GLRA1: variants seen among roughly 807,000 people sequenced by gnomAD.
GLRA1 encodes glycine receptor alpha 1.
Under a neutral mutation model 48.3 loss-of-function variants are expected in GLRA1, and 37 were observed. The ratio of observed to expected loss-of-function variants is 0.77; its 90% CI spans 0.59 to 1.01. The LOEUF (loss-of-function observed/expected upper bound fraction) is 1.01, where lower values mean the gene tolerates loss of function less well. GLRA1 is among the 50% of genes least tolerant of loss of function. GLRA1 has a pLI of 0.00. For missense variants in GLRA1, 427 were observed against 571.0 expected (o/e 0.75, Z 2.57); for synonymous variants, 196 against 210.7 (o/e 0.93, Z 0.60).
intron 7 of GLRA1, among the ~76,000 whole-genome samples, chr5:151,844,926 G>T (rs1053970223): frequency 6.6e-6 from 1 of 152,174 alleles, no homozygotes; most frequent in Non-Finnish European, 1.5e-5. Context: ...ATGGTAGAAA[G>T]TGAAGGGAAG....
intron 1 of GLRA1, among the ~76,000 whole-genome samples, chr5:151,895,527 T>C (rs1291676318): frequency 2.6e-5 from 4 of 152,132 alleles, no homozygotes; most frequent in African/African-American, 9.7e-5. Context: ...AGGTAAGGAA[T>C]AACTGAGGTA....
At chr5:151,922,570 C>T (rs1051083619) in intron 1 of GLRA1, among the ~76,000 whole-genome samples, 2 of 152,230 alleles carry the variant, frequency 1.3e-5, no homozygotes, top group Admixed American at 6.5e-5. Flanking sequence ...CTTATAAACA[C>T]GTAGAATTAT....
intron 3 of GLRA1, among the ~76,000 whole-genome samples, chr5:151,861,416 A>C (rs1160895207): frequency 6.6e-6 from 1 of 152,190 alleles, no homozygotes; most frequent in Non-Finnish European, 1.5e-5. Flanking sequence ...ATTGATTGTC[A>C]TTCTAACTGG....
intron 7 of GLRA1, among the ~76,000 whole-genome samples, chr5:151,843,645 A>T (rs1453056432): frequency 6.6e-6 from 1 of 152,170 alleles, no homozygotes; most frequent in African/African-American, 2.4e-5. Context: ...ACAAAATTGG[A>T]GGACTCACAC....
intron 3 of GLRA1, among the ~76,000 whole-genome samples, chr5:151,862,462 G>A (rs754574366): frequency 6.6e-6 from 1 of 151,768 alleles, no homozygotes; most frequent in South Asian, 2.1e-4. Context: ...CACAGCAAAC[G>A]AAACTACCAT....
intron 7 of GLRA1, among the ~76,000 whole-genome samples, chr5:151,844,395 G>T (rs1282678310): frequency 6.6e-6 from 1 of 151,996 alleles, no homozygotes; most frequent in African/African-American, 2.4e-5. Context: ...GCTGAGGCAG[G>T]CAGATTGCTT....
chr5:151,875,386 C>A (rs1037021281), intron 3 of GLRA1, among the ~76,000 whole-genome samples: 2 of 152,136 alleles, frequency 1.3e-5, no homozygotes, highest in Non-Finnish European at 2.9e-5. Context: ...GTTGCCTAGG[C>A]TGGTCTTGAA....
Position 151,855,172 on chromosome 5 carries a change from A to G in GLRA1, c.565T>C (p.Tyr189His). 6.2e-7 allele frequency: 1 copy of G among 1,614,080 alleles called. No individual in the cohort carries two copies. Among genetic ancestry groups the G allele is most frequent in the Non-Finnish European group, 8.5e-7 (1 of 1,179,928 alleles). ...TCAAAGATGAGGTCATTCATCGTAT[A>G]TCCAACTGGGATGGGATCAGAAGAA... is the stretch of plus-strand genomic sequence containing the variant. ...TCIMQLESFG[Y>H]TMNDLIFEWQ... Residue 189 changes from tyrosine (Y) to histidine (H), a missense_variant, in exon 6 of 9, where the codon TAT becomes CAT. Physicochemically the swap from Tyr to His is moderately conservative, Grantham distance 83. This residue lies in a region of GLRA1 where 271 missense variants were observed against 434.9 expected (regional missense o/e 0.62). Transcript: ENST00000274576.
chr5:151,868,201 C>T (rs188199062), intron 3 of GLRA1, among the ~76,000 whole-genome samples: 1 of 152,306 alleles, frequency 6.6e-6, no homozygotes, highest in East Asian at 1.9e-4. Context: ...CAGGGGCACA[C>T]AGCAATTCAA....
intron 8 of GLRA1, among the ~76,000 whole-genome samples, chr5:151,823,650 T>G (rs1378454631): frequency 2.0e-5 from 3 of 152,206 alleles, no homozygotes; most frequent in Non-Finnish European, 2.9e-5. Flanking sequence ...GACCTCTGGA[T>G]TTTTACTAAG....
intron 2 of GLRA1, among the ~76,000 whole-genome samples, chr5:151,887,091 C>G (rs1753926956): frequency 6.6e-6 from 1 of 152,188 alleles, no homozygotes; most frequent in Non-Finnish European, 1.5e-5. Context: ...TCCCCAAGTC[C>G]CATTGGCTGC....
At chr5:151,884,694 A>G (rs1003168985) in intron 3 of GLRA1, among the ~76,000 whole-genome samples, 2 of 152,190 alleles carry the variant, frequency 1.3e-5, no homozygotes, top group Non-Finnish European at 2.9e-5. Flanking sequence ...CTGTTTGGTC[A>G]TTATCAGGAA....
intron 1 of GLRA1, among the ~76,000 whole-genome samples, chr5:151,906,765 A>T (rs1439958897): frequency 6.6e-6 from 1 of 152,178 alleles, no homozygotes; most frequent in Admixed American, 6.5e-5. Flanking sequence ...GGCAGAAGTG[A>T]CTTGGTTGAG....
chr5:151,905,174 C>T (rs1754447842), intron 1 of GLRA1, among the ~76,000 whole-genome samples: 1 of 152,038 alleles, frequency 6.6e-6, no homozygotes, highest in South Asian at 2.1e-4. Context: ...ATAACATTTT[C>T]CTCTGATGAT....
At chr5:151,912,603 G>C (rs1451964462) in intron 1 of GLRA1, among the ~76,000 whole-genome samples, 2 of 152,182 alleles carry the variant, frequency 1.3e-5, no homozygotes, top group African/African-American at 4.8e-5. Flanking sequence ...AAGTGGTCAT[G>C]GTGAGATACA....
chr5:151,902,913 T>A (rs926049327), intron 1 of GLRA1, among the ~76,000 whole-genome samples: 77 of 152,362 alleles, frequency 5.1e-4, no homozygotes, highest in African/African-American at 1.5e-3. Context: ...CTCTCTTAAC[T>A]ATATTAATGA....
chr5:151,918,682 A>G (rs562030986), intron 1 of GLRA1, among the ~76,000 whole-genome samples: 1 of 152,208 alleles, frequency 6.6e-6, no homozygotes, highest in Admixed American at 6.5e-5. Flanking sequence ...CTTGCATTTC[A>G]TTCACTCTTC....
rs112520394 is a variant in GLRA1 at position 151,879,799 on chromosome 5, A to T, written c.252+6922T>A. 6.3e-3 allele frequency among the ~76,000 whole-genome samples: 952 copies of T among 152,234 alleles called. 8 individuals are homozygous for T. The highest frequency in any genetic ancestry group is 0.022 in the African/African-American group (907 of 41,504). On this transcript the variant is annotated intron_variant, in intron 3 of 8. Transcript: ENST00000274576. ...GGGAAGGCATGATTGGTTTCGAAAT[A>T]TGAGGACATGAGATTTGGGAGGGGC...
At chr5:151,902,839 A>G (rs1041999059) in intron 1 of GLRA1, among the ~76,000 whole-genome samples, 3 of 152,168 alleles carry the variant, frequency 2.0e-5, no homozygotes, top group African/African-American at 7.2e-5. Flanking sequence ...TGTTTTTCTG[A>G]TGAGAAAAGT....
Sources: allele counts gnomAD v4.1 joint callset (sites outside exome capture counted in the v4.1 genomes callset), GRCh38; gene constraint gnomAD v4.1.1; regional missense constraint gnomAD v4.1.1; transcripts MANE v1.5; gene names NCBI Gene and HGNC (gene_info 2026-07-23, HGNC 2026-07-21).